The following NKAIN3 variants were observed in gnomAD, a reference collection of about 807,000 sequenced individuals.
The protein encoded by NKAIN3 is sodium/potassium-transporting ATPase subunit beta-1-interacting protein 3.
Under a neutral mutation model 30.2 loss-of-function variants are expected in NKAIN3, and 25 were observed. The observed-to-expected ratio is 0.83, with a 90% CI of 0.60 to 1.16. The LOEUF (loss-of-function observed/expected upper bound fraction) is 1.16, where lower values mean the gene tolerates loss of function less well. Among genes scored for constraint, NKAIN3 ranks in the 50% most tolerant of loss-of-function variants. The probability of loss-of-function intolerance (pLI) is 0.00; values close to 1 mark genes in which losing one functional copy is unlikely to be tolerated. For missense variants in NKAIN3, 225 were observed against 254.1 expected, an observed-to-expected ratio of 0.89 and a Z score of 0.78; for synonymous variants, 91 against 89.6, an observed-to-expected ratio of 1.02 and a Z score of -0.09.
intron 4 of NKAIN3, among the ~76,000 whole-genome samples, chr8:62,767,214 G>A (rs1480386232): frequency 6.6e-6 from 1 of 152,178 alleles, no homozygotes; most frequent in East Asian, 1.9e-4. Context: ...TGAGACACAG[G>A]AATTGTCAGT....
At chr8:62,520,288 A>G (rs915415800) in intron 1 of NKAIN3, among the ~76,000 whole-genome samples, 2 of 152,054 alleles carry the variant, frequency 1.3e-5, no homozygotes, top group Non-Finnish European at 2.9e-5. Flanking sequence ...ATACTTAGGG[A>G]AGTATAATAA....
At chr8:62,862,034 G>A (rs1371336332) in intron 4 of NKAIN3, among the ~76,000 whole-genome samples, 1 of 152,104 alleles carries the variant, frequency 6.6e-6, no homozygotes, top group Non-Finnish European at 1.5e-5. Context: ...TTTTCCATTT[G>A]GCTATTACAT....
chr8:62,685,791 G>T (rs16929397), intron 3 of NKAIN3, among the ~76,000 whole-genome samples: 16,792 of 152,160 alleles, frequency 0.11, 1,055 homozygotes, highest in East Asian at 0.25. Context: ...CATTCTGACT[G>T]CGCAACTATT....
At chr8:62,555,009 T>TAC (rs1491362672) in intron 1 of NKAIN3, among the ~76,000 whole-genome samples, 235 of 104,732 alleles carry the variant, frequency 2.2e-3, no homozygotes, top group African/African-American at 6.0e-3. Flanking sequence ...TGGCAGAATC[T>TAC]ATACACACAC....
chr8:62,410,908 A>T (rs781171775), intron 1 of NKAIN3, among the ~76,000 whole-genome samples: 2 of 152,180 alleles, frequency 1.3e-5, no homozygotes, highest in Non-Finnish European at 2.9e-5. Flanking sequence ...TGAAACTGCC[A>T]ACCAAAAAGA....
At chr8:62,484,366 A>G (rs1430542074) in intron 1 of NKAIN3, among the ~76,000 whole-genome samples, 1 of 152,146 alleles carries the variant, frequency 6.6e-6, no homozygotes, top group African/African-American at 2.4e-5. Context: ...ATTTTTCACA[A>G]TCATTCAGCT....
At chr8:62,698,567 G>A (rs1176445153) in intron 3 of NKAIN3, among the ~76,000 whole-genome samples, 2 of 152,132 alleles carry the variant, frequency 1.3e-5, no homozygotes, top group African/African-American at 2.4e-5. Flanking sequence ...TGACTCTCAT[G>A]GAGTTCTTAC....
intron 3 of NKAIN3, among the ~76,000 whole-genome samples, chr8:62,649,827 G>A (rs572513358): frequency 3.9e-5 from 6 of 152,244 alleles, no homozygotes; most frequent in Admixed American, 1.3e-4. Context: ...TGCTGCATTG[G>A]GCAGGGGCTG....
At chr8:62,746,623 AG>A (rs1310688471) in intron 3 of NKAIN3, among the ~76,000 whole-genome samples, 1 of 152,248 alleles carries the variant, frequency 6.6e-6, no homozygotes, top group African/African-American at 2.4e-5. Flanking sequence ...TGCAGACAAA[AG>A]TTTCAAGGTA....
intron 4 of NKAIN3, among the ~76,000 whole-genome samples, chr8:62,764,323 G>A (rs1816768120): frequency 6.6e-6 from 1 of 152,122 alleles, no homozygotes. Context: ...TGAAGAAACT[G>A]GGACATAAAG....
chr8:62,528,288 T>C (rs1000777968), intron 1 of NKAIN3, among the ~76,000 whole-genome samples: 1 of 118,116 alleles, frequency 8.5e-6, no homozygotes, highest in Admixed American at 8.8e-5. Context: ...GGTATTGTGA[T>C]ATATATATAT....
intron 3 of NKAIN3, among the ~76,000 whole-genome samples, chr8:62,705,576 T>C (rs1362577429): frequency 6.6e-6 from 1 of 152,196 alleles, no homozygotes; most frequent in African/African-American, 2.4e-5. Flanking sequence ...TGCCTTTCGA[T>C]GGGAATTTAT....
rs535844280 is a variant in NKAIN3 at position 62,975,699 on chromosome 8, G to C, written c.*10292G>C. 4.9e-4 allele frequency among the ~76,000 whole-genome samples: 74 copies of C among 152,114 alleles called. No homozygotes were observed. Among genetic ancestry groups the C allele is most frequent in the Non-Finnish European group, 9.1e-4 (62 of 68,014 alleles). The stretch of plus-strand genomic sequence containing the variant: ...CTTAGTTATTTCTTGTCTTCTGCTA[G>C]CTTTTGAAATAGTCTGCTCTTGTTT... On this transcript the variant is annotated 3_prime_UTR_variant, in exon 7 of 7. Coordinates refer to ENST00000623646, the MANE Select transcript of NKAIN3 (RefSeq NM_001304533.3).
chr8:62,983,859 T>C lies in NKAIN3; in HGVS notation c.*18452T>C, dbSNP rs888214121. ...ATCAAAAACAACTATGAACACTGCT[T>C]GCTTCAGTGATACAAACAGACATTT... On this transcript the variant is annotated 3_prime_UTR_variant, in exon 7 of 7. Transcript: ENST00000623646. 1.3e-5 allele frequency: 2 copies of C among 152,210 alleles called. No homozygotes were observed. Among genetic ancestry groups the C allele is most frequent in the Non-Finnish European group, 2.9e-5 (2 of 68,036 alleles). The allele number at this position is 152,210 out of a possible 1,614,324, so 9.4% of individuals were successfully genotyped here.
At chr8:62,634,276 C>G (rs1337433307) in intron 3 of NKAIN3, among the ~76,000 whole-genome samples, 1 of 152,018 alleles carries the variant, frequency 6.6e-6, no homozygotes, top group Non-Finnish European at 1.5e-5. Flanking sequence ...AGACACCTTA[C>G]CCATCATGAG....
chr8:62,452,126 A>G (rs574754067), intron 1 of NKAIN3, among the ~76,000 whole-genome samples: 40 of 152,320 alleles, frequency 2.6e-4, no homozygotes, highest in African/African-American at 8.4e-4. Context: ...ACTTCATAAC[A>G]ATATGCTACT....
chr8:62,650,323 C>G (rs55665921), intron 3 of NKAIN3, among the ~76,000 whole-genome samples: 1 of 152,134 alleles, frequency 6.6e-6, no homozygotes, highest in Non-Finnish European at 1.5e-5. Flanking sequence ...AGTAACAATG[C>G]TCTAATTGGT....
chr8:62,594,924 A>G (rs1018130766), intron 3 of NKAIN3, among the ~76,000 whole-genome samples: 4 of 151,558 alleles, frequency 2.6e-5, no homozygotes, highest in Non-Finnish European at 5.9e-5. Context: ...TAAAAAATAT[A>G]TATTACATAT....
chr8:62,765,057 A>G (rs1816787347), intron 4 of NKAIN3, among the ~76,000 whole-genome samples: 1 of 152,036 alleles, frequency 6.6e-6, no homozygotes, highest in South Asian at 2.1e-4. Context: ...AGTCTGGCCA[A>G]TATAGTGAAA....
Sources: gnomAD v4.1 joint callset for allele counts (sites outside exome capture counted in the v4.1 genomes callset) on GRCh38, gnomAD v4.1.1 for gene constraint, MANE v1.5 for transcripts, NCBI Gene and HGNC (gene_info 2026-07-23, HGNC 2026-07-21) for gene names.